Variants in PCSK5 observed in about 807,000 individuals in gnomAD.
PCSK5 encodes the protein prohormone convertase 5.
In PCSK5, 129 loss-of-function variants were observed where a neutral mutation model predicts 233.2. The ratio of observed to expected loss-of-function variants is 0.55; its 90% confidence interval spans 0.48 to 0.64. The LOEUF is 0.64. PCSK5 is among the 30% of genes least tolerant of loss of function. The pLI, the probability that PCSK5 is intolerant of heterozygous loss-of-function variation, is 0.00. For missense variants in PCSK5, 2,076 were observed against 2,430.1 expected, an observed-to-expected ratio of 0.85 and a Z score of 3.06; for synonymous variants, 825 against 879.2, an observed-to-expected ratio of 0.94 and a Z score of 1.09.
chr9:75,905,587 G>T (rs1438115823), intron 1 of PCSK5, among the ~76,000 whole-genome samples: 1 of 152,122 alleles, frequency 6.6e-6, no homozygotes, highest in Non-Finnish European at 1.5e-5. Context: ...TTAATATTCT[G>T]CTTGAAAGCA....
intron 5 of PCSK5, 145 bp from the exon 6 acceptor site, chr9:76,067,810 G>A: frequency 1.5e-6 from 1 of 648,510 alleles, no homozygotes; most frequent in East Asian, 2.6e-5. Flanking sequence ...GTTTGCCATG[G>A]ACAGACAAAG....
chr9:76,108,960 C>G (rs897062205), intron 9 of PCSK5, among the ~76,000 whole-genome samples: 2 of 152,218 alleles, frequency 1.3e-5, no homozygotes. Context: ...TCTGGGTGGC[C>G]TCTTGCCCAA....
chr9:76,283,445 T>G (rs11144819), intron 24 of PCSK5, among the ~76,000 whole-genome samples: 20,597 of 152,208 alleles, frequency 0.14, 1,891 homozygotes, highest in African/African-American at 0.26. Flanking sequence ...AGATGATCAT[T>G]AGCATTTTTT....
intron 1 of PCSK5, 72 bp downstream of exon 1, chr9:75,891,445 AC>A (rs1825590722): frequency 8.6e-7 from 1 of 1,163,286 alleles, no homozygotes; most frequent in Non-Finnish European, 1.2e-6. Context: ...TCTGCGTGGA[AC>A]CCCCTCCCCC....
intron 2 of PCSK5, among the ~76,000 whole-genome samples, chr9:75,949,125 G>T (rs2131318983): frequency 6.7e-6 from 1 of 150,030 alleles, no homozygotes; most frequent in East Asian, 1.9e-4. Context: ...TTTTTAATAT[G>T]AGTATGTCTC....
intron 3 of PCSK5, among the ~76,000 whole-genome samples, chr9:75,992,976 C>A (rs1826838627): frequency 6.6e-6 from 1 of 152,000 alleles, no homozygotes; most frequent in South Asian, 2.1e-4. Flanking sequence ...GATTTTAAGC[C>A]CCATGGCTTT....
intron 14 of PCSK5, among the ~76,000 whole-genome samples, chr9:76,176,560 G>A (rs1450034620): frequency 1.3e-5 from 2 of 152,132 alleles, no homozygotes; most frequent in African/African-American, 4.8e-5. Flanking sequence ...GCAGTCTTAT[G>A]GGAAGAATTG....
chr9:76,052,581 T>C (rs983240433), intron 5 of PCSK5, among the ~76,000 whole-genome samples: 9 of 152,150 alleles, frequency 5.9e-5, no homozygotes, highest in Non-Finnish European at 8.8e-5. Context: ...CCTCCCACGA[T>C]GCGTGGGGAT....
intron 36 of PCSK5, among the ~76,000 whole-genome samples, chr9:76,351,798 C>T (rs189373904): frequency 1.4e-3 from 206 of 150,900 alleles, no homozygotes; most frequent in African/African-American, 4.4e-3. Context: ...AGTGCAGTGG[C>T]GCAATTACAG....
intron 33 of PCSK5, among the ~76,000 whole-genome samples, chr9:76,331,036 G>C (rs1829518450): frequency 6.6e-6 from 1 of 152,164 alleles, no homozygotes; most frequent in Admixed American, 6.5e-5. Context: ...TAGAATTGAG[G>C]CTTCAGTGCT....
At chr9:76,232,902 G>A (rs1244972308) in intron 21 of PCSK5, among the ~76,000 whole-genome samples, 1 of 152,158 alleles carries the variant, frequency 6.6e-6, no homozygotes, top group Non-Finnish European at 1.5e-5. Flanking sequence ...CTCAGGAAAT[G>A]TTTGCAAAAC....
chr9:76,259,204 CATCTCTGGCCTCAGTGTCT>C (rs1256949714), intron 24 of PCSK5, among the ~76,000 whole-genome samples: 8 of 152,200 alleles, frequency 5.3e-5, no homozygotes, highest in Admixed American at 2.0e-4. Context: ...GTCTCCTGCA[CATCTCTGGCCTCAGTGTCT>C]ACCTCTTGTT....
intron 2 of PCSK5, among the ~76,000 whole-genome samples, chr9:75,984,106 A>G (rs1178980406): frequency 6.6e-6 from 1 of 152,154 alleles, no homozygotes; most frequent in African/African-American, 2.4e-5. Context: ...GTAACTAAGC[A>G]TTTTTGTTTG....
At chr9:76,020,104 C>A (rs1265082377) in intron 3 of PCSK5, among the ~76,000 whole-genome samples, 3 of 152,222 alleles carry the variant, frequency 2.0e-5, no homozygotes, top group Non-Finnish European at 2.9e-5. Context: ...ATTCTAGACA[C>A]TCTTCTTTAG....
intron 8 of PCSK5, among the ~76,000 whole-genome samples, chr9:76,098,568 T>A (rs943609417): frequency 2.0e-5 from 3 of 152,222 alleles, no homozygotes; most frequent in African/African-American, 7.2e-5. Context: ...AGAGTTCTCG[T>A]TTTTTACCTC....
intron 24 of PCSK5, among the ~76,000 whole-genome samples, chr9:76,278,368 G>A (rs1019680267): frequency 6.6e-6 from 1 of 152,096 alleles, no homozygotes; most frequent in East Asian, 1.9e-4. Flanking sequence ...AATGCCAGGA[G>A]ACAAAATGGG....
At chr9:76,118,704 A>G (rs1001618368) in intron 9 of PCSK5, among the ~76,000 whole-genome samples, 3 of 152,096 alleles carry the variant, frequency 2.0e-5, no homozygotes, top group African/African-American at 7.2e-5. Flanking sequence ...ATTAATTAAT[A>G]TAAATTTAAA....
In PCSK5 at chr9:76,105,919, G is replaced by A. The variant is rs568022652; in HGVS notation, c.1108-1332G>A. On this transcript the variant is annotated intron_variant, in intron 8 of 37. Transcript: ENST00000674117. ...AGCCAGAATGCCTATCTAGATCCATGAGAGGTCATAAAAGAGTCTACTTAG... is the reference window on the plus strand; with the variant it reads ...AGCCAGAATGCCTATCTAGATCCATAAGAGGTCATAAAAGAGTCTACTTAG... Among the ~76,000 whole-genome samples the A allele has an allele frequency of 3.6e-3, 554 of 152,316 alleles. 3 individuals are homozygous for A. Among genetic ancestry groups the A allele is most frequent in the Non-Finnish European group, 6.0e-3 (410 of 68,026 alleles).
In PCSK5 at chr9:75,986,185, C is replaced by A. The variant is rs557808451; in HGVS notation, c.351C>A (p.Asp117Glu). 4.3e-6 allele frequency: 7 copies of A among 1,613,778 alleles called. No homozygotes were observed. Among genetic ancestry groups the A allele is most frequent in the African/African-American group, 1.3e-5 (1 of 74,920 alleles). Residue 117 changes from aspartate to glutamate, a missense_variant, in exon 3 of 38, where the codon GAC (aspartate) becomes GAA (glutamate). By Grantham distance (45) the Asp-to-Glu change is conservative. Coordinates refer to ENST00000674117, the MANE Select transcript of PCSK5 (RefSeq NM_001372043.1). ...VVKKRTKRDY[D>E]FSRAQSTYFN... ...AAAAGCGGACAAAGAGGGATTATGA[C>A]TTCAGTCGTGCCCAGTCTACCTATT...
Sources: gnomAD v4.1 joint callset for allele counts (sites outside exome capture counted in the v4.1 genomes callset) on GRCh38, gnomAD v4.1.1 for gene constraint, MANE v1.5 for transcripts, NCBI Gene and HGNC (gene_info 2026-07-23, HGNC 2026-07-21) for gene names.